The following ZCCHC14 variants were observed in gnomAD, a reference collection of about 807,000 sequenced individuals.
ZCCHC14 encodes zinc finger CCHC-type containing 14, also known as zinc finger CCHC domain-containing protein 14.
Under a neutral mutation model 85.0 loss-of-function variants are expected in ZCCHC14, and 16 were observed. The ratio of observed to expected loss-of-function variants is 0.19; its 90% CI spans 0.13 to 0.29. The LOEUF (loss-of-function observed/expected upper bound fraction) is 0.29, where lower values mean the gene tolerates loss of function less well. Ranked by LOEUF, ZCCHC14 falls within the 10% of genes least tolerant of loss-of-function variation. The pLI is 1.00. For missense variants in ZCCHC14, 1,303 were observed against 1,443.5 expected, an observed-to-expected ratio of 0.90 and a Z score of 1.58; for synonymous variants, 775 against 630.7, an observed-to-expected ratio of 1.23 and a Z score of -3.43.
intron 1 of ZCCHC14, among the ~76,000 whole-genome samples, chr16:87,485,141 C>T (rs994709189): frequency 3.3e-5 from 5 of 152,176 alleles, no homozygotes; most frequent in African/African-American, 1.2e-4. Context: ...TAAGGGTGAA[C>T]GGCTGGGTCC....
Position 87,420,524 on chromosome 16 carries a change from C to G in ZCCHC14, c.950+83G>C, listed in dbSNP as rs544263226. ...GGTGACCGCGCATCCTCCCAGAGCT[C>G]CTTGGAGGACCACAGCATTGACCAC... On this transcript the variant is annotated intron_variant, in intron 5 of 12. Coordinates refer to ENST00000671377, the MANE Select transcript of ZCCHC14 (RefSeq NM_015144.3). The surrounding 1 kb of genome is among the most constrained non-coding windows in gnomAD (Gnocchi z 5.0). 1.3e-4 allele frequency: 154 copies of G among 1,147,574 alleles called. No homozygotes were observed. Among genetic ancestry groups the G allele is most frequent in the Non-Finnish European group, 1.8e-4 (147 of 807,072 alleles). The allele number at this position is 1,147,574 out of a possible 1,614,324, so 71.1% of individuals were successfully genotyped here.
rs1909056417 is a variant in ZCCHC14 at position 87,420,809 on chromosome 16, C to T, written c.841-93G>A. On this transcript the variant is annotated intron_variant, in intron 4 of 12. Coordinates refer to ENST00000671377, the MANE Select transcript of ZCCHC14 (RefSeq NM_015144.3). The surrounding 1 kb of genome is among the most constrained non-coding windows in gnomAD (Gnocchi z 5.0). Reference sequence around the variant, plus strand: ...GCAGGAAAACCTGGGGCAGGTGCTCCATGGTGCCGCCTGCTGGTCTGATAT... The same window carrying T: ...GCAGGAAAACCTGGGGCAGGTGCTCTATGGTGCCGCCTGCTGGTCTGATAT... The T allele has an allele frequency of 3.9e-6, 4 of 1,020,428 alleles. No homozygotes were observed. Among genetic ancestry groups the T allele is most frequent in the Non-Finnish European group, 4.3e-6 (3 of 695,062 alleles). 63.2% of individuals were successfully genotyped at this position (1,020,428 alleles called of 1,614,324 possible). A position where few individuals can be genotyped will look rare whatever the true frequency, so the allele number is the denominator to read the frequency against.
rs576787969 is a variant in ZCCHC14 at position 87,417,709 on chromosome 16, C to G, written c.1134G>C (p.Ser378=). ...GCCCGTGGTGCTGGGCTCCGCTCTG[C>G]GAGGACGGGATACCAGCCACTCCAC... is the stretch of plus-strand genomic sequence containing the variant. ...PVCGVAGIPS[S]QSGAQHHGQH... The change falls in exon 8 of 13, where the codon TCG becomes TCC. Residue 378 remains serine, a synonymous_variant. Coordinates refer to ENST00000671377, the MANE Select transcript of ZCCHC14 (RefSeq NM_015144.3). The G allele has an allele frequency of 6.9e-6, 11 of 1,604,084 alleles. No individual in the cohort carries two copies. The African/African-American group carries it at 1.3e-4, about 20-fold the overall frequency.
chr16:87,490,729 CTT>C (rs976345636), intron 1 of ZCCHC14, among the ~76,000 whole-genome samples: 27 of 152,222 alleles, frequency 1.8e-4, no homozygotes, highest in Non-Finnish European at 4.4e-5. Context: ...CTCTGGGAGT[CTT>C]TTTCTGTCTG....
chr16:87,422,254 G>A (rs1909137084), intron 4 of ZCCHC14, among the ~76,000 whole-genome samples: 1 of 152,088 alleles, frequency 6.6e-6, no homozygotes, highest in South Asian at 2.1e-4. Context: ...CAGAACTGAG[G>A]GGATCGGCTG....
At chr16:87,418,393 A>T (rs1908907757) in intron 7 of ZCCHC14, among the ~76,000 whole-genome samples, 1 of 152,198 alleles carries the variant, frequency 6.6e-6, no homozygotes, top group South Asian at 2.1e-4. Context: ...CGCCCAGACA[A>T]CATCTCCACG....
At chr16:87,451,597 A>G (rs1290333752) in intron 2 of ZCCHC14, among the ~76,000 whole-genome samples, 1 of 152,252 alleles carries the variant, frequency 6.6e-6, no homozygotes, top group East Asian at 1.9e-4. Flanking sequence ...GCTCGGCATT[A>G]GTACGTTCTA....
At position 87,492,331 on chromosome 16, in the gene ZCCHC14, C is replaced by G. The variant is rs1244315056; in HGVS notation, c.-93G>C. On this transcript the variant is annotated 5_prime_UTR_variant, in exon 1 of 13. Coordinates refer to ENST00000671377, the MANE Select transcript of ZCCHC14 (RefSeq NM_015144.3). The surrounding 1 kb of genome is among the most constrained non-coding windows in gnomAD (Gnocchi z 6.7). ...GGCCGCGGCCGGGGCGCGCCGGGACCGGGGACGCGCGGGCCGGGGCCGGGT... is the reference window on the plus strand; with the variant it reads ...GGCCGCGGCCGGGGCGCGCCGGGACGGGGGACGCGCGGGCCGGGGCCGGGT... 5 of 406,554 alleles carry G rather than the reference C, an allele frequency of 1.2e-5. No individual in the cohort carries two copies. The highest frequency in any genetic ancestry group is 1.6e-5 in the Non-Finnish European group (5 of 306,106). 25.2% of individuals were successfully genotyped at this position (406,554 alleles called of 1,614,324 possible).
chr16:87,454,882 G>A (rs1910876609), intron 2 of ZCCHC14, among the ~76,000 whole-genome samples: 1 of 152,242 alleles, frequency 6.6e-6, no homozygotes, highest in African/African-American at 2.4e-5. Flanking sequence ...GACAACTGGT[G>A]AGGACGGGGC....
intron 4 of ZCCHC14, among the ~76,000 whole-genome samples, chr16:87,423,190 G>A (rs1433312500): frequency 6.6e-6 from 1 of 152,200 alleles, no homozygotes; most frequent in African/African-American, 2.4e-5. Flanking sequence ...ACAACTGTGT[G>A]TACACATGCA....
rs761617274 is a variant in ZCCHC14 at position 87,420,651 on chromosome 16, T to C, written c.906A>G (p.Ala302=). ...KLIPCLAGPD[A]FYVERNHVDL... ...CCACGTGGTTTCGCTCCACATAAAATGCGTCCGGACCAGCTAAGCAAGGAA... is the reference window on the plus strand; with the variant it reads ...CCACGTGGTTTCGCTCCACATAAAACGCGTCCGGACCAGCTAAGCAAGGAA... Residue 302 remains alanine, a synonymous_variant, in exon 5 of 13, where the codon GCA becomes GCG. Transcript: ENST00000671377. This position sits in a 1 kb window ranked among gnomAD's most constrained non-coding sequence, Gnocchi z 5.0. 4 of 1,614,002 alleles carry C rather than the reference T, an allele frequency of 2.5e-6. No homozygotes were observed. In the East Asian group the frequency reaches 8.9e-5, roughly 36 times the overall value.
At position 87,409,141 on chromosome 16, in the gene ZCCHC14, T is replaced by C. The variant is rs1286532073; in HGVS notation, c.*1139A>G. 1 of 152,346 alleles carries C rather than the reference T, an allele frequency of 6.6e-6. No individual in the cohort carries two copies. The highest frequency in any genetic ancestry group is 6.5e-5 in the Admixed American group (1 of 15,286). The allele number at this position is 152,346 out of a possible 1,614,324, so 9.4% of individuals were successfully genotyped here. On this transcript the variant is annotated 3_prime_UTR_variant, in exon 13 of 13. Coordinates refer to ENST00000671377, the MANE Select transcript of ZCCHC14 (RefSeq NM_015144.3). The stretch of plus-strand genomic sequence containing the variant: ...CAGAGTCCTACCACTTCCCACTGTT[T>C]TCCAAGTAATTTTTAACGGAATTAA...
rs1912841480 is a variant in ZCCHC14 at position 87,492,902 on chromosome 16, C to T, written c.-664G>A. ...TCCCGCGCGGCGGACGGATCCGGGC[C>T]CGAGCGCGGCGGCGGCGGCGACGGC... On this transcript the variant is annotated 5_prime_UTR_variant, in exon 1 of 13. Transcript: ENST00000671377. This position sits in a 1 kb window ranked among gnomAD's most constrained non-coding sequence, Gnocchi z 6.7. 6.8e-6 allele frequency among the ~76,000 whole-genome samples: 1 copy of T among 148,088 alleles called. No homozygotes were observed. Among genetic ancestry groups the T allele is most frequent in the South Asian group, 2.1e-4 (1 of 4,756 alleles).
chr16:87,407,963 G>A lies in ZCCHC14; in HGVS notation c.*2317C>T, dbSNP rs1203737758. On this transcript the variant is annotated 3_prime_UTR_variant, in exon 13 of 13. Transcript: ENST00000671377. ...CTTACAGCTGACGATTCTCGACTTC[G>A]GACGGCCTCCCTGGAGATGTCACAC... 1 of 152,706 alleles carries A rather than the reference G, an allele frequency of 6.5e-6. No homozygotes were observed. The allele number at this position is 152,706 out of a possible 1,614,324, so 9.5% of individuals were successfully genotyped here. A position where few individuals can be genotyped will look rare whatever the true frequency, so the allele number is the denominator to read the frequency against.
At chr16:87,414,952 G>T (rs934072026) in intron 9 of ZCCHC14, among the ~76,000 whole-genome samples, 1 of 152,136 alleles carries the variant, frequency 6.6e-6, no homozygotes, top group Admixed American at 6.5e-5. Flanking sequence ...CGTGGTGGCG[G>T]GTGCCTGTAA....
At chr16:87,487,900 T>A (rs1912585775) in intron 1 of ZCCHC14, among the ~76,000 whole-genome samples, 1 of 147,014 alleles carries the variant, frequency 6.8e-6, no homozygotes, top group Non-Finnish European at 1.5e-5. Flanking sequence ...CCACACGGTG[T>A]GTGGTCCCCT....
chr16:87,485,573 T>C (rs1597457058), intron 1 of ZCCHC14, among the ~76,000 whole-genome samples: 1 of 130,758 alleles, frequency 7.6e-6, no homozygotes, highest in African/African-American at 3.2e-5. Context: ...TAACTACTGT[T>C]CCAACGGGCA....
At chr16:87,446,045 T>C (rs942009457) in intron 2 of ZCCHC14, among the ~76,000 whole-genome samples, 2 of 151,822 alleles carry the variant, frequency 1.3e-5, no homozygotes, top group Non-Finnish European at 2.9e-5. Context: ...CACATGCCTG[T>C]AGTCCCAGCT....
intron 1 of ZCCHC14, among the ~76,000 whole-genome samples, chr16:87,461,391 T>C (rs1456941972): frequency 6.6e-6 from 1 of 152,258 alleles, no homozygotes; most frequent in Non-Finnish European, 1.5e-5. Flanking sequence ...ATGCTGTAAC[T>C]TCTTTACAGT....
Sources: gnomAD v4.1 joint callset for allele counts (sites outside exome capture counted in the v4.1 genomes callset) on GRCh38, gnomAD v4.1.1 for gene constraint, Gnocchi (gnomAD v3.1) non-coding constraint, MANE v1.5 for transcripts, NCBI Gene and HGNC (gene_info 2026-07-23, HGNC 2026-07-21) for gene names.